The following ALPK2 variants were observed in gnomAD, a reference collection of about 807,000 sequenced individuals.
ALPK2 encodes alpha kinase 2, also known as alpha-protein kinase 2.
A neutral mutation model predicts 163.1 loss-of-function variants in ALPK2; 127 were observed. That is an observed-to-expected ratio of 0.78 (90% CI 0.67 to 0.90). The LOEUF is 0.90. ALPK2 is among the 40% of genes least tolerant of loss of function. The pLI, the probability that ALPK2 is intolerant of heterozygous loss-of-function variation, is 0.00. For synonymous variants in ALPK2, 953 were observed against 959.1 expected (o/e 0.99, Z 0.12); for missense variants, 2,360 against 2,589.6 (o/e 0.91, Z 1.92).
intron 12 of ALPK2, among the ~76,000 whole-genome samples, chr18:58,493,697 G>C (rs1317983813): frequency 6.6e-6 from 1 of 152,152 alleles, no homozygotes; most frequent in Non-Finnish European, 1.5e-5. Context: ...CTTCTGTCCA[G>C]GGTCTCGGGA....
At chr18:58,594,005 GT>G (rs1391792983) in intron 3 of ALPK2, among the ~76,000 whole-genome samples, 14 of 144,958 alleles carry the variant, frequency 9.7e-5, no homozygotes, top group African/African-American at 1.8e-4. Context: ...TTCACCATCA[GT>G]TTTTTTTTTA....
intron 11 of ALPK2, among the ~76,000 whole-genome samples, chr18:58,500,475 C>T (rs2051426042): frequency 6.6e-6 from 1 of 152,188 alleles, no homozygotes; most frequent in Non-Finnish European, 1.5e-5. Flanking sequence ...TTCCCCCTGT[C>T]AGTTTAATGA....
At chr18:58,596,205 G>A (rs2052040266) in intron 3 of ALPK2, among the ~76,000 whole-genome samples, 1 of 152,226 alleles carries the variant, frequency 6.6e-6, no homozygotes, top group Non-Finnish European at 1.5e-5. Flanking sequence ...GAGACCTGTA[G>A]TCAGGGAAGA....
intron 3 of ALPK2, among the ~76,000 whole-genome samples, chr18:58,603,924 C>T (rs565901416): frequency 6.6e-6 from 1 of 152,290 alleles, no homozygotes; most frequent in Non-Finnish European, 1.5e-5. Context: ...GCCAAGCACA[C>T]TTGACCCGTG....
At chr18:58,584,347 G>C (rs1283319229) in intron 3 of ALPK2, among the ~76,000 whole-genome samples, 1 of 152,198 alleles carries the variant, frequency 6.6e-6, no homozygotes, top group Non-Finnish European at 1.5e-5. Context: ...GCCAGCATCT[G>C]CTGGGTGACT....
intron 4 of ALPK2, among the ~76,000 whole-genome samples, chr18:58,547,730 G>A (rs777250162): frequency 5.9e-5 from 9 of 152,138 alleles, no homozygotes; most frequent in African/African-American, 1.4e-4. Flanking sequence ...CATAATTTCC[G>A]GGGGGTTTCA....
intron 4 of ALPK2, among the ~76,000 whole-genome samples, chr18:58,552,849 G>C (rs8084119): frequency 0.45 from 68,128 of 151,928 alleles, 16,117 homozygotes; most frequent in East Asian, 0.61. Flanking sequence ...ATTGTGTCCC[G>C]CAAAAATAGG....
intron 3 of ALPK2, among the ~76,000 whole-genome samples, chr18:58,586,803 G>A (rs537973585): frequency 1.3e-5 from 2 of 152,072 alleles, no homozygotes; most frequent in African/African-American, 4.8e-5. Context: ...ATGGCTGCTT[G>A]AGGCAGTAGA....
intron 3 of ALPK2, 146 bp from the exon 4 acceptor site, chr18:58,580,694 C>T (rs2051954136): frequency 1.3e-6 from 1 of 797,310 alleles, no homozygotes; most frequent in Admixed American, 2.6e-5. Context: ...AGTTTGTGGC[C>T]AAAGGCAACT....
At chr18:58,625,930 G>A (rs1018124740) in intron 1 of ALPK2, among the ~76,000 whole-genome samples, 3 of 152,238 alleles carry the variant, frequency 2.0e-5, no homozygotes. Context: ...ATCCCAATAA[G>A]GGCTTGAAAC....
At chr18:58,510,687 T>G (rs375077945) in intron 10 of ALPK2, among the ~76,000 whole-genome samples, 20 of 152,280 alleles carry the variant, frequency 1.3e-4, no homozygotes, top group Admixed American at 3.3e-4. Context: ...CTCTCTGTTT[T>G]TCTGTTATTG....
intron 11 of ALPK2, among the ~76,000 whole-genome samples, chr18:58,502,090 C>T (rs1217263578): frequency 6.7e-6 from 1 of 148,216 alleles, no homozygotes; most frequent in Non-Finnish European, 1.5e-5. Context: ...CACCTGAGTC[C>T]AGGAGTTCAA....
intron 3 of ALPK2, among the ~76,000 whole-genome samples, chr18:58,588,236 T>C (rs893425812): frequency 6.6e-6 from 1 of 152,186 alleles, no homozygotes; most frequent in South Asian, 2.1e-4. Flanking sequence ...AGTAAAACTT[T>C]TTGTTTGTTG....
rs1555673979 is a variant in ALPK2, at chr18:58,578,736, A to ACACACACACGCGCACGCGCGCG, written c.1962+77_1962+78insCGCGCGCGTGCGCGTGTGTGTG. 11 of 760,882 alleles carry ACACACACACGCGCACGCGCGCG rather than the reference A, an allele frequency of 1.4e-5. No homozygotes were observed. In the African/African-American group the frequency reaches 1.5e-4, roughly 10 times the overall value. 47.1% of individuals were successfully genotyped at this position (760,882 alleles called of 1,614,324 possible). A position where few individuals can be genotyped will look rare whatever the true frequency, so the allele number is the denominator to read the frequency against. On this transcript the variant is annotated intron_variant, in intron 4 of 12. Transcript: ENST00000361673. Reference sequence around the variant, plus strand: ...GTGAATGTGAAGTAAAGGAAGAGACACACACACACACACACACACACACAC... The same window carrying ACACACACACGCGCACGCGCGCG: ...GTGAATGTGAAGTAAAGGAAGAGACACACACACACGCGCACGCGCGCGCACACACACACACACACACACACAC...
chr18:58,507,932 T>G (rs1422452390), intron 10 of ALPK2, among the ~76,000 whole-genome samples: 1 of 152,162 alleles, frequency 6.6e-6, no homozygotes, highest in African/African-American at 2.4e-5. Flanking sequence ...ATGGCTCAGG[T>G]GTCATGCAGC....
intron 5 of ALPK2, 57 bp downstream of exon 5, chr18:58,534,777 G>A: frequency 6.5e-7 from 1 of 1,537,748 alleles, no homozygotes; most frequent in Non-Finnish European, 8.7e-7. Context: ...CACAGGAACT[G>A]GATACCTGGT....
At chr18:58,524,142 A>C in intron 6 of ALPK2, 80 bp from the exon 7 acceptor site, 2 of 1,524,830 alleles carry the variant, frequency 1.3e-6, no homozygotes, top group South Asian at 2.6e-5. Context: ...AGGAGAAAGA[A>C]GCTAAGACTT....
At chr18:58,520,035 G>C (rs151225115) in intron 8 of ALPK2, among the ~76,000 whole-genome samples, 35 of 152,298 alleles carry the variant, frequency 2.3e-4, no homozygotes, top group Admixed American at 1.4e-3. Context: ...AGGTTGTGAA[G>C]AAGGTGCAAT....
At chr18:58,616,617 G>T (rs1424532337) in intron 1 of ALPK2, among the ~76,000 whole-genome samples, 1 of 152,184 alleles carries the variant, frequency 6.6e-6, no homozygotes, top group African/African-American at 2.4e-5. Flanking sequence ...CTGACAGGAG[G>T]TGAAGAACTC....
Sources: gnomAD v4.1 joint callset for allele counts (sites outside exome capture counted in the v4.1 genomes callset) on GRCh38, gnomAD v4.1.1 for gene constraint, MANE v1.5 for transcripts, NCBI Gene and HGNC (gene_info 2026-07-23, HGNC 2026-07-21) for gene names.